ME2: variants seen among roughly 807,000 people sequenced by gnomAD.
The protein encoded by ME2 is NAD-dependent malic enzyme, mitochondrial.
Under a neutral mutation model 73.7 loss-of-function variants are expected in ME2, and 60 were observed. The observed-to-expected ratio is 0.81, with a 90% CI of 0.66 to 1.01. ME2 has a LOEUF of 1.01. Among genes scored for constraint, ME2 ranks in the 50% least tolerant of loss-of-function variants. ME2 has a pLI of 0.00. For missense variants in ME2, 594 were observed against 705.5 expected (o/e 0.84, Z 1.79); for synonymous variants, 199 against 236.9 (o/e 0.84, Z 1.47).
At position 50,912,953 on chromosome 18, in the gene ME2, A is replaced by G. The variant is rs772247431; in HGVS notation, c.392+3A>G. ...GGACACATCTTTAGAAGACCTAAGT[A>G]AGGCTTGTTTAAAAAAAAGCTTGTA... On this transcript the variant is annotated splice_donor_region_variant and intron_variant, in intron 4 of 15. Transcript: ENST00000321341. 3 of 1,582,886 alleles carry G rather than the reference A, an allele frequency of 1.9e-6. No individual in the cohort carries two copies. The highest frequency in any genetic ancestry group is 2.4e-5 in the South Asian group (2 of 83,678).
At chr18:50,930,626 T>A (rs1917669532) in intron 12 of ME2, among the ~76,000 whole-genome samples, 1 of 152,200 alleles carries the variant, frequency 6.6e-6, no homozygotes, top group Non-Finnish European at 1.5e-5. Flanking sequence ...TATAGAATCT[T>A]GTCATTATTG....
At chr18:50,946,970 A>G in intron 15 of ME2, 47 bp from the exon 16 acceptor site, 2 of 1,363,252 alleles carry the variant, frequency 1.5e-6, no homozygotes, top group East Asian at 4.6e-5. Context: ...TGTCTCTCTA[A>G]TAGGTTAATA....
rs1020423911 is a variant in ME2, at chr18:50,953,648, C to G, written c.*6464C>G. ...TCTGTGCAAATAAATTTCAGTTGTG[C>G]TTATATATTATAATATTCACTTTAG... is the stretch of plus-strand genomic sequence containing the variant. On this transcript the variant is annotated 3_prime_UTR_variant, in exon 16 of 16. Coordinates refer to ENST00000321341, the MANE Select transcript of ME2 (RefSeq NM_002396.5). 4 of 152,202 alleles carry G rather than the reference C, an allele frequency of 2.6e-5. No individual in the cohort carries two copies. Among genetic ancestry groups the G allele is most frequent in the African/African-American group, 9.6e-5 (4 of 41,520 alleles). The allele number at this position is 152,202 out of a possible 1,614,324, so 9.4% of individuals were successfully genotyped here. A position where few individuals can be genotyped will look rare whatever the true frequency, so the allele number is the denominator to read the frequency against.
intron 2 of ME2, 74 bp downstream of exon 2, chr18:50,896,002 G>A: frequency 9.6e-7 from 1 of 1,037,764 alleles, no homozygotes; most frequent in Non-Finnish European, 1.5e-6. Context: ...CTGATAAGGT[G>A]TGACATATTT....
chr18:50,946,017 A>C (rs1918074771), intron 15 of ME2, among the ~76,000 whole-genome samples: 1 of 152,172 alleles, frequency 6.6e-6, no homozygotes, highest in African/African-American at 2.4e-5. Flanking sequence ...CAGTGAGCTG[A>C]GATCGTGCCA....
Position 50,920,558 on chromosome 18 carries a change from T to C in ME2, c.837T>C (p.Asp279=). ...YREKYCTFND[D]IQGTAAVALA... is the part of the protein sequence containing the mutation. ...AAAAATATTGTACTTTCAATGATGA[T>C]ATTCAAGGTAAAGCAAAAAAACTTC... The change falls in exon 8 of 16, where the codon GAT becomes GAC. Residue 279 remains aspartate, a synonymous_variant. Coordinates refer to ENST00000321341, the MANE Select transcript of ME2 (RefSeq NM_002396.5). The C allele has an allele frequency of 6.3e-7, 1 of 1,584,204 alleles. No individual in the cohort carries two copies. The highest frequency in any genetic ancestry group is 8.5e-7 in the Non-Finnish European group (1 of 1,169,922).
intron 12 of ME2, 81 bp downstream of exon 12, chr18:50,925,979 C>G: frequency 5.0e-6 from 5 of 991,812 alleles, no homozygotes; most frequent in Non-Finnish European, 7.7e-6. Flanking sequence ...CACCATTGTT[C>G]TAATGGTTTC....
At chr18:50,895,318 CA>C (rs1916711217) in intron 1 of ME2, among the ~76,000 whole-genome samples, 1 of 152,028 alleles carries the variant, frequency 6.6e-6, no homozygotes, top group African/African-American at 2.4e-5. Context: ...TTTTCTAAGA[CA>C]AAAAATTCTA....
At chr18:50,941,331 TTGTG>T (rs1377575060) in intron 15 of ME2, among the ~76,000 whole-genome samples, 4 of 147,780 alleles carry the variant, frequency 2.7e-5, no homozygotes, top group Admixed American at 2.7e-4. Context: ...AGATAAATCT[TTGTG>T]TGTATTTGTG....
At chr18:50,918,442 G>A (rs993987295) in intron 7 of ME2, among the ~76,000 whole-genome samples, 2 of 152,138 alleles carry the variant, frequency 1.3e-5, no homozygotes, top group Non-Finnish European at 2.9e-5. Context: ...ACATTTTGAG[G>A]GAAGTCTGCC....
chr18:50,920,474 C>G lies in ME2; in HGVS notation c.753C>G (p.Leu251=), dbSNP rs769826563. Residue 251 remains leucine (L), a synonymous_variant, in exon 8 of 16, where the codon CTC becomes CTG. Coordinates refer to ENST00000321341, the MANE Select transcript of ME2 (RefSeq NM_002396.5). ...TTTTTAGATATGGCCGGAACACACT[C>G]ATTCAGTTCGAAGACTTTGGAAATC... ...AITDRYGRNT[L]IQFEDFGNHN... is the part of the protein sequence containing the mutation. 6 of 1,598,294 alleles carry G rather than the reference C, an allele frequency of 3.8e-6. No individual in the cohort carries two copies. Among genetic ancestry groups the G allele is most frequent in the African/African-American group, 2.7e-5 (2 of 73,684 alleles).
intron 7 of ME2, among the ~76,000 whole-genome samples, chr18:50,918,429 C>T (rs537246572): frequency 6.6e-6 from 1 of 152,268 alleles, no homozygotes; most frequent in East Asian, 1.9e-4. Context: ...CTTGAGTTAC[C>T]TGACATTTTG....
At chr18:50,888,994 A>G (rs567809225) in intron 1 of ME2, among the ~76,000 whole-genome samples, 1 of 152,224 alleles carries the variant, frequency 6.6e-6, no homozygotes, top group East Asian at 1.9e-4. Context: ...CATCACTTTC[A>G]ATATTTGTAT....
intron 2 of ME2, among the ~76,000 whole-genome samples, chr18:50,904,926 C>G (rs1916984482): frequency 6.6e-6 from 1 of 151,876 alleles, no homozygotes; most frequent in Non-Finnish European, 1.5e-5. Flanking sequence ...TTTCTCTCCT[C>G]TCCTCAAACT....
chr18:50,940,605 A>G (rs1294230383), intron 15 of ME2, among the ~76,000 whole-genome samples: 1 of 152,162 alleles, frequency 6.6e-6, no homozygotes, highest in African/African-American at 2.4e-5. Context: ...ACACACATGC[A>G]TGTAGTCACT....
At position 50,932,421 on chromosome 18, in the gene ME2, G is replaced by A. The variant is rs796218567; in HGVS notation, c.1417+61G>A. On this transcript the variant is annotated intron_variant, in intron 13 of 15. Transcript: ENST00000321341. ...GTTAATTATGTAAAAATACTTAATGGAATTCTTTGGAATGGGAGACTGAAC... is the reference window on the plus strand; with the variant it reads ...GTTAATTATGTAAAAATACTTAATGAAATTCTTTGGAATGGGAGACTGAAC... The A allele has an allele frequency of 3.8e-5, 49 of 1,295,958 alleles. No individual in the cohort carries two copies. The South Asian group carries it at 5.4e-4, about 14-fold the overall frequency. The allele number at this position is 1,295,958 out of a possible 1,614,324, so 80.3% of individuals were successfully genotyped here.
At chr18:50,916,522 T>A in intron 5 of ME2, 1 of 255,100 alleles carries the variant, frequency 3.9e-6, no homozygotes, top group Non-Finnish European at 7.4e-6. Flanking sequence ...AATCTCCTTT[T>A]CTATTTCACT....
chr18:50,933,503 A>C (rs1169656082), intron 13 of ME2: 2 of 152,132 alleles, frequency 1.3e-5, no homozygotes, highest in African/African-American at 4.8e-5. Context: ...CTTGAGACCT[A>C]ACTTCTATAA....
intron 1 of ME2, among the ~76,000 whole-genome samples, chr18:50,880,714 A>T (rs1261486220): frequency 6.6e-6 from 1 of 152,114 alleles, no homozygotes; most frequent in Admixed American, 6.5e-5. Flanking sequence ...GACCGCGCCT[A>T]GCTCCTAATA....
Sources: gnomAD v4.1 joint callset for allele counts (sites outside exome capture counted in the v4.1 genomes callset) on GRCh38, gnomAD v4.1.1 for gene constraint, MANE v1.5 for transcripts, NCBI Gene and HGNC (gene_info 2026-07-23, HGNC 2026-07-21) for gene names.